The following SUB1 variants were observed in gnomAD, a reference collection of about 807,000 sequenced individuals.
The protein encoded by SUB1 is SUB1 regulator of transcription, also known as activated RNA polymerase II transcriptional coactivator p15.
SUB1 carries 1 observed loss-of-function variant against 16.9 expected under a neutral mutation model. The observed-to-expected ratio is 0.06, with a 90% CI of 0.02 to 0.28. The LOEUF is 0.28. Among genes scored for constraint, SUB1 ranks in the 10% least tolerant of loss-of-function variants. SUB1 has a pLI of 1.00. For missense variants in SUB1, 84 were observed against 145.2 expected, an observed-to-expected ratio of 0.58 and a Z score of 2.16; for synonymous variants, 51 against 46.9, an observed-to-expected ratio of 1.09 and a Z score of -0.36.
intron 3 of SUB1, among the ~76,000 whole-genome samples, chr5:32,593,991 C>T (rs892924861): frequency 6.6e-6 from 1 of 152,090 alleles, no homozygotes; most frequent in Non-Finnish European, 1.5e-5. Flanking sequence ...GGCGCCCAGC[C>T]TAGGCCTTAT....
At position 32,601,129 on chromosome 5, in the gene SUB1, A is replaced by G; in HGVS notation, c.*45A>G. 6.7e-7 allele frequency: 1 copy of G among 1,483,950 alleles called. No homozygotes were observed. Among genetic ancestry groups the G allele is most frequent in the Non-Finnish European group, 9.3e-7 (1 of 1,073,404 alleles). The allele number at this position is 1,483,950 out of a possible 1,614,324, so 91.9% of individuals were successfully genotyped here. The stretch of plus-strand genomic sequence containing the variant: ...AAACCTGTACTGTTCTAGTTGTTTT[A>G]ATCTGTCTTTTTACATTGGCTTTTG... On this transcript the variant is annotated 3_prime_UTR_variant, in exon 5 of 5. Coordinates refer to ENST00000265073, the MANE Select transcript of SUB1 (RefSeq NM_006713.4).
intron 1 of SUB1, 158 bp downstream of exon 1, chr5:32,585,783 C>G (rs1233716920): frequency 6.6e-6 from 1 of 152,378 alleles, no homozygotes; most frequent in Non-Finnish European, 1.5e-5. Context: ...CCCCGGCCCC[C>G]TTCTCCGTTT....
intron 3 of SUB1, among the ~76,000 whole-genome samples, chr5:32,592,724 G>A (rs536017320): frequency 6.6e-6 from 1 of 152,188 alleles, no homozygotes; most frequent in East Asian, 1.9e-4. Flanking sequence ...AAAAAAAAAT[G>A]GTGTTGCTTC....
chr5:32,600,799 T>C (rs1335317225), intron 4 of SUB1, among the ~76,000 whole-genome samples: 2 of 152,108 alleles, frequency 1.3e-5, no homozygotes, highest in African/African-American at 2.4e-5. Flanking sequence ...AGATGGGGTT[T>C]CACCATGTTG....
intron 1 of SUB1, chr5:32,585,952 T>G (rs1193978336): frequency 6.6e-6 from 1 of 152,210 alleles, no homozygotes; most frequent in African/African-American, 2.4e-5. Flanking sequence ...CCCGGGACAA[T>G]GCGGCGGCGG....
intron 3 of SUB1, among the ~76,000 whole-genome samples, chr5:32,593,616 C>T (rs1261913552): frequency 6.6e-6 from 1 of 152,080 alleles, no homozygotes; most frequent in Non-Finnish European, 1.5e-5. Flanking sequence ...AAACCCTCAT[C>T]TGGAAAGATT....
intron 3 of SUB1, chr5:32,597,980 AAT>A (rs1340236897): frequency 6.6e-6 from 1 of 152,222 alleles, no homozygotes; most frequent in Non-Finnish European, 1.5e-5. Flanking sequence ...CTGTTAATAA[AAT>A]ATGTCATCTG....
At chr5:32,591,314 G>C in intron 2 of SUB1, 1 of 314,488 alleles carries the variant, frequency 3.2e-6, no homozygotes, top group Non-Finnish European at 5.5e-6. Context: ...AACCGTTCCT[G>C]TGGTTAATAC....
chr5:32,587,694 T>G (rs1271938528), intron 1 of SUB1, among the ~76,000 whole-genome samples: 1 of 151,780 alleles, frequency 6.6e-6, no homozygotes, highest in Non-Finnish European at 1.5e-5. Context: ...CACTGCAACC[T>G]CTGCCTCCGG....
intron 3 of SUB1, among the ~76,000 whole-genome samples, chr5:32,594,229 C>T (rs1738900212): frequency 6.6e-6 from 1 of 152,166 alleles, no homozygotes; most frequent in African/African-American, 2.4e-5. Flanking sequence ...TGCTTACTTC[C>T]TGGTTCCTTC....
intron 1 of SUB1, chr5:32,586,164 A>T (rs1328766517): frequency 6.6e-6 from 1 of 152,118 alleles, no homozygotes; most frequent in African/African-American, 2.4e-5. Context: ...TCTTCTCCGC[A>T]CTTCGCCGCC....
intron 1 of SUB1, among the ~76,000 whole-genome samples, chr5:32,586,825 C>T (rs1398428708): frequency 6.6e-6 from 1 of 152,164 alleles, no homozygotes; most frequent in Non-Finnish European, 1.5e-5. Context: ...TTGCTTTTCC[C>T]TTCTGAATTT....
intron 4 of SUB1, 21 bp from the exon 5 acceptor site, chr5:32,600,984 A>G: frequency 6.2e-7 from 1 of 1,602,638 alleles, no homozygotes; most frequent in Non-Finnish European, 8.5e-7. Context: ...TTCACCTTTG[A>G]ATTTTTAAAC....
intron 1 of SUB1, among the ~76,000 whole-genome samples, chr5:32,587,020 CTT>C (rs1165960466): frequency 5.9e-5 from 9 of 152,016 alleles, no homozygotes; most frequent in Non-Finnish European, 1.5e-5. Context: ...AATTTTAAGT[CTT>C]TTTTTCTTGT....
intron 1 of SUB1, among the ~76,000 whole-genome samples, chr5:32,587,864 C>T (rs1222392849): frequency 6.6e-6 from 1 of 152,292 alleles, no homozygotes; most frequent in South Asian, 2.1e-4. Flanking sequence ...CTGCTTTGGC[C>T]TCCTAAAGTT....
At chr5:32,598,079 T>A (rs1739023101) in intron 3 of SUB1, 1 of 151,214 alleles carries the variant, frequency 6.6e-6, no homozygotes, top group African/African-American at 2.5e-5. Context: ...TTTTTATTTT[T>A]ATTTTTTTGC....
rs1238648696 is a variant in SUB1, at chr5:32,602,134, TTGA to T, written c.*1055_*1057del. 3 of 438,166 alleles carry T rather than the reference TTGA, an allele frequency of 6.8e-6. No individual in the cohort carries two copies. Among genetic ancestry groups the T allele is most frequent in the East Asian group, 1.4e-4 (2 of 14,186 alleles). 27.1% of individuals were successfully genotyped at this position (438,166 alleles called of 1,614,324 possible). ...AGAACAGACCAATGGCATTCTAGAC[TTGA>T]TGATACTAAGTTTTAGCAGACACTA... On this transcript the variant is annotated 3_prime_UTR_variant, in exon 5 of 5. Coordinates refer to ENST00000265073, the MANE Select transcript of SUB1 (RefSeq NM_006713.4).
At position 32,600,219 on chromosome 5, in the gene SUB1, G is replaced by T. The variant is rs115037700; in HGVS notation, c.305-786G>T. Among the ~76,000 whole-genome samples the T allele has an allele frequency of 7.7e-3, 1,176 of 152,304 alleles. 14 individuals carry two copies. The highest frequency in any genetic ancestry group is 0.027 in the African/African-American group (1,104 of 41,568). ...GGTGACCCTAGAGTGCAGTTACCCG[G>T]GTATACTCTCTGAGGAGTCCTGTAT... is the stretch of plus-strand genomic sequence containing the variant. On this transcript the variant is annotated intron_variant, in intron 4 of 4. Coordinates refer to ENST00000265073, the MANE Select transcript of SUB1 (RefSeq NM_006713.4).
chr5:32,588,601 C>G lies in SUB1; in HGVS notation c.72+17C>G. The stretch of plus-strand genomic sequence containing the variant: ...GACAAAAAGGTGACTACTGCTGCAC[C>G]AAGTCATTTTGGTGATACTCAACAA... On this transcript the variant is annotated intron_variant, in intron 2 of 4. Coordinates refer to ENST00000265073, the MANE Select transcript of SUB1 (RefSeq NM_006713.4). 6.2e-7 allele frequency: 1 copy of G among 1,609,274 alleles called. No individual in the cohort carries two copies. The highest frequency in any genetic ancestry group is 8.5e-7 in the Non-Finnish European group (1 of 1,177,086).
Sources: allele counts gnomAD v4.1 joint callset (sites outside exome capture counted in the v4.1 genomes callset), GRCh38; gene constraint gnomAD v4.1.1; transcripts MANE v1.5; gene names NCBI Gene and HGNC (gene_info 2026-07-23, HGNC 2026-07-21).